UGT2B15: variants seen among roughly 807,000 people sequenced by gnomAD.
UGT2B15 encodes UDP glucuronosyltransferase family 2 member B15, also known as UDP-glucuronosyltransferase 2B15.
In UGT2B15, 36 loss-of-function variants were observed where a neutral mutation model predicts 45.9. That is an observed-to-expected ratio of 0.78 (90% CI 0.60 to 1.04). The LOEUF (loss-of-function observed/expected upper bound fraction) is 1.04. Among genes scored for constraint, UGT2B15 ranks in the 50% least tolerant of loss-of-function variants. The pLI, the probability that UGT2B15 is intolerant of heterozygous loss-of-function variation, is 0.00. For missense variants in UGT2B15, 617 were observed against 622.4 expected, an observed-to-expected ratio of 0.99 and a Z score of 0.09; for synonymous variants, 219 against 216.4, an observed-to-expected ratio of 1.01 and a Z score of -0.11.
intron 3 of UGT2B15, among the ~76,000 whole-genome samples, chr4:68,662,553 G>C (rs62298393): frequency 6.9e-6 from 1 of 145,752 alleles, no homozygotes; most frequent in South Asian, 2.1e-4. Context: ...TTGGTAAGAC[G>C]AAGCTGCATG....
chr4:68,661,257 AATGCATATCTG>A (rs1438517331), intron 3 of UGT2B15, among the ~76,000 whole-genome samples: 1 of 152,054 alleles, frequency 6.6e-6, no homozygotes, highest in African/African-American at 2.4e-5. Flanking sequence ...CACTGGGATA[AATGCATATCTG>A]ATTGCCTCCT....
At chr4:68,655,450 A>G (rs1352659458) in intron 3 of UGT2B15, among the ~76,000 whole-genome samples, 1 of 152,154 alleles carries the variant, frequency 6.6e-6, no homozygotes, top group Non-Finnish European at 1.5e-5. Flanking sequence ...TTGTGAAAGG[A>G]AAATAAATCT....
At chr4:68,665,556 T>C (rs1369536247) in intron 2 of UGT2B15, among the ~76,000 whole-genome samples, 4 of 152,178 alleles carry the variant, frequency 2.6e-5, no homozygotes, top group Middle Eastern at 3.2e-3. Context: ...TGTGAGTATA[T>C]TATAAAGGCA....
In UGT2B15 at chr4:68,670,304, T is replaced by C. The variant is rs1369630799; in HGVS notation, c.315A>G (p.Thr105=). ...GTAATTGTGAAAAATATGACCAAAA[T>C]GTATTTTTTGAAACACCATATATCC... is the stretch of plus-strand genomic sequence containing the variant. ...DRWIYGVSKN[T]FWSYFSQLQE... The change falls in exon 1 of 6, where the codon ACA becomes ACG. Residue 105 remains threonine, a synonymous_variant. Coordinates refer to ENST00000338206, the MANE Select transcript of UGT2B15 (RefSeq NM_001076.4). 3 of 1,613,948 alleles carry C rather than the reference T, an allele frequency of 1.9e-6. No individual in the cohort carries two copies. The highest frequency in any genetic ancestry group is 2.5e-6 in the Non-Finnish European group (3 of 1,179,986).
chr4:68,660,856 A>C (rs1454198741), intron 3 of UGT2B15, among the ~76,000 whole-genome samples: 2 of 151,848 alleles, frequency 1.3e-5, no homozygotes. Flanking sequence ...CTCCAGAAGA[A>C]AATAACAGCA....
At chr4:68,650,995 GT>G (rs376333738) in intron 5 of UGT2B15, among the ~76,000 whole-genome samples, 45,357 of 117,384 alleles carry the variant, frequency 0.39, 7,769 homozygotes, top group East Asian at 0.74. Context: ...TGATGGTGTT[GT>G]TTTTTTTTTT....
intron 5 of UGT2B15, among the ~76,000 whole-genome samples, chr4:68,653,017 T>G (rs1226128904): frequency 6.6e-6 from 1 of 151,888 alleles, no homozygotes; most frequent in African/African-American, 2.4e-5. Context: ...TGATAACAAG[T>G]GTTGGGAAGA....
At chr4:68,660,396 A>T (rs183988067) in intron 3 of UGT2B15, among the ~76,000 whole-genome samples, 2 of 152,044 alleles carry the variant, frequency 1.3e-5, no homozygotes, top group Admixed American at 6.6e-5. Context: ...TAGGTATTTG[A>T]TGGTAGAAAT....
intron 3 of UGT2B15, among the ~76,000 whole-genome samples, chr4:68,660,259 C>T (rs550629400): frequency 6.6e-6 from 1 of 150,454 alleles, no homozygotes; most frequent in South Asian, 2.1e-4. Flanking sequence ...TGGCCTCATA[C>T]CTTCATCTAT....
chr4:68,652,562 A>T (rs186747803), intron 5 of UGT2B15, among the ~76,000 whole-genome samples: 3 of 151,830 alleles, frequency 2.0e-5, no homozygotes, highest in Non-Finnish European at 4.4e-5. Context: ...ACCTCATAAT[A>T]ATATTGGTAG....
At chr4:68,662,765 C>A (rs1198085151) in intron 3 of UGT2B15, among the ~76,000 whole-genome samples, 1 of 144,754 alleles carries the variant, frequency 6.9e-6, no homozygotes. Context: ...CCAAACTTCA[C>A]TAGCACCTCT....
rs1231828767 is a variant in UGT2B15, at chr4:68,668,314, G to A, written c.725-126C>T. On this transcript the variant is annotated intron_variant, in intron 1 of 5. Transcript: ENST00000338206. ...AACATATATAAAATGTCTGTGCATT[G>A]ATAAAATATATATAAATACATTTAT... The A allele has an allele frequency of 4.5e-6, 6 of 1,344,410 alleles. No individual in the cohort carries two copies. The East Asian group carries it at 1.5e-4, about 33-fold the overall frequency. The allele number at this position is 1,344,410 out of a possible 1,614,324, so 83.3% of individuals were successfully genotyped here.
Position 68,669,616 on chromosome 4 carries a change from T to G in UGT2B15, c.724+279A>C, listed in dbSNP as rs1733240834. Among the ~76,000 whole-genome samples, 4 of 152,124 alleles carry G rather than the reference T, an allele frequency of 2.6e-5. No homozygotes were observed. The South Asian group carries it at 8.3e-4, about 31-fold the overall frequency. On this transcript the variant is annotated intron_variant, in intron 1 of 5. Transcript: ENST00000338206. ...CTTTTTTTAAAGATGAAAAAATGTATAGCAAAATGATATGTGATAGTTTAA... is the reference window on the plus strand; with the variant it reads ...CTTTTTTTAAAGATGAAAAAATGTAGAGCAAAATGATATGTGATAGTTTAA...
intron 5 of UGT2B15, among the ~76,000 whole-genome samples, chr4:68,648,372 C>T (rs906509255): frequency 2.6e-5 from 4 of 151,944 alleles, no homozygotes; most frequent in Admixed American, 2.6e-4. Context: ...CCTTTTGTTC[C>T]CCGTGTCTCT....
chr4:68,663,553 G>A (rs927544693), intron 2 of UGT2B15, among the ~76,000 whole-genome samples: 11 of 151,876 alleles, frequency 7.2e-5, no homozygotes, highest in African/African-American at 2.7e-4. Flanking sequence ...TTTATTTGGG[G>A]TAGTTTTATT....
In UGT2B15 at chr4:68,670,544, C is replaced by T. The variant is rs1394462183; in HGVS notation, c.75G>A (p.Lys25=). The T allele has an allele frequency of 3.7e-6, 6 of 1,607,120 alleles. No individual in the cohort carries two copies. Among genetic ancestry groups the T allele is most frequent in the South Asian group, 3.4e-5 (3 of 89,330 alleles). Residue 25 remains lysine, a synonymous_variant, in exon 1 of 6, where the codon AAG becomes AAA. Transcript: ENST00000338206. ...TGTATTCTGTGGGCCACACTAGCAC[C>T]TTTCCACAGCTTCCAGAGCTAAAGT... is the stretch of plus-strand genomic sequence containing the variant. ...SCYFSSGSCG[K]VLVWPTEYSH...
At chr4:68,652,065 G>A (rs1257391154) in intron 5 of UGT2B15, among the ~76,000 whole-genome samples, 1 of 151,978 alleles carries the variant, frequency 6.6e-6, no homozygotes, top group Non-Finnish European at 1.5e-5. Context: ...GTGGTTTCTA[G>A]TCCTCCCTGA....
At chr4:68,658,208 TTA>T (rs1267694428) in intron 3 of UGT2B15, among the ~76,000 whole-genome samples, 1 of 152,010 alleles carries the variant, frequency 6.6e-6, no homozygotes, top group Non-Finnish European at 1.5e-5. Context: ...GTGTATGTAT[TTA>T]TGTGTTTTGT....
At position 68,669,948 on chromosome 4, in the gene UGT2B15, C is replaced by A; in HGVS notation, c.671G>T (p.Trp224Leu). Residue 224 changes from tryptophan to leucine, a missense_variant, in exon 1 of 6, where the codon TGG (tryptophan) becomes TTG (leucine). Around this residue, in one of 3 missense-constraint regions of UGT2B15, gnomAD observed 351 missense variants for 342.1 expected, o/e 1.03. Transcript: ENST00000338206. The stretch of plus-strand genomic sequence containing the variant: ...CTTCTTCAGATCATAAATTTGAAAC[C>A]AAAAGTCAAAATAAAGCATATGTAT... ...NMIHMLYFDFWFQIYDLKKWD... is the reference protein window; with the variant it reads ...NMIHMLYFDFLFQIYDLKKWD... 6.2e-7 allele frequency: 1 copy of A among 1,612,844 alleles called. No homozygotes were observed. The highest frequency in any genetic ancestry group is 8.5e-7 in the Non-Finnish European group (1 of 1,179,738).
Sources: gnomAD v4.1 joint callset for allele counts (sites outside exome capture counted in the v4.1 genomes callset) on GRCh38, gnomAD v4.1.1 for gene constraint, gnomAD v4.1.1 regional missense constraint, MANE v1.5 for transcripts, NCBI Gene and HGNC (gene_info 2026-07-23, HGNC 2026-07-21) for gene names.